Variants in NEU3 observed in about 807,000 individuals in gnomAD.
The protein encoded by NEU3 is neuraminidase 3.
NEU3 carries 10 observed loss-of-function variants against 11.4 expected under a neutral mutation model. The observed-to-expected ratio is 0.88, with a 90% confidence interval of 0.54 to 1.49. NEU3 has a LOEUF of 1.49. Among genes scored for constraint, NEU3 ranks in the 40% most tolerant of loss-of-function variants. The pLI is 0.00. For missense variants in NEU3, 529 were observed against 581.8 expected, an observed-to-expected ratio of 0.91 and a Z score of 0.93; for synonymous variants, 212 against 228.2, an observed-to-expected ratio of 0.93 and a Z score of 0.64.
At chr11:74,985,794 AT>A (rs1365520810), upstream of NEU3, among the ~76,000 whole-genome samples, 1 of 152,228 alleles carries the variant, frequency 6.6e-6, no homozygotes, top group East Asian at 1.9e-4. Context: ...CACGTGTGTA[AT>A]GTTTCTGTCC....
At chr11:74,985,685 G>A (rs78713176), upstream of NEU3, among the ~76,000 whole-genome samples, 3,471 of 152,280 alleles carry the variant, frequency 0.023, 150 homozygotes, top group African/African-American at 0.079. Context: ...AAGGACACTG[G>A]CAGAGTCTGG....
chr11:75,003,691 A>T (rs1228065777), intron 2 of NEU3, among the ~76,000 whole-genome samples: 1 of 152,198 alleles, frequency 6.6e-6, no homozygotes, highest in African/African-American at 2.4e-5. Context: ...GGAGTTTCAG[A>T]CCAGCCTGGC....
chr11:74,999,315 A>G lies in NEU3; in HGVS notation c.306+4595A>G, dbSNP rs556905157. On this transcript the variant is annotated intron_variant, in intron 2 of 2. Transcript: ENST00000294064. ...GCAGGTGCCACTGAGCCCAGCAAGCATTTTTTATCAGACCACACCTGTTGC... is the reference window on the plus strand; with the variant it reads ...GCAGGTGCCACTGAGCCCAGCAAGCGTTTTTTATCAGACCACACCTGTTGC... Among the ~76,000 whole-genome samples the G allele has an allele frequency of 3.3e-5, 5 of 152,288 alleles. No individual in the cohort carries two copies. In the East Asian group the frequency reaches 7.7e-4, roughly 24 times the overall value.
chr11:74,995,457 T>C (rs11236281), intron 2 of NEU3, among the ~76,000 whole-genome samples: 38,321 of 152,078 alleles, frequency 0.25, 5,829 homozygotes, highest in East Asian at 0.54. Context: ...GCCTGGAAGC[T>C]ACAGGGTTAT....
intron 2 of NEU3, among the ~76,000 whole-genome samples, chr11:75,000,061 A>AGGC (rs1235736983): frequency 6.6e-6 from 1 of 152,210 alleles, no homozygotes; most frequent in East Asian, 1.9e-4. Context: ...AAGGGTAGAC[A>AGGC]GGCCAGCTCA....
At chr11:75,002,109 G>C (rs1307037017) in intron 2 of NEU3, among the ~76,000 whole-genome samples, 1 of 152,150 alleles carries the variant, frequency 6.6e-6, no homozygotes, top group Admixed American at 6.5e-5. Context: ...AGGGTGGAGT[G>C]CAGTGATTGA....
At chr11:75,017,527 C>T (rs573571749) in intron 3 of NEU3, among the ~76,000 whole-genome samples, 1 of 152,166 alleles carries the variant, frequency 6.6e-6, no homozygotes, top group Admixed American at 6.5e-5. Context: ...GAAGGGGCAC[C>T]TTTTCTAATT....
intron 2 of NEU3, among the ~76,000 whole-genome samples, chr11:75,000,776 AATTTATTTATTTATTT>A (rs61008511): frequency 2.4e-4 from 32 of 134,528 alleles, no homozygotes; most frequent in African/African-American, 5.0e-4. Flanking sequence ...ATACCCAGCT[AATTTATTTATTTATTT>A]ATTTATTTAT....
At chr11:75,001,050 G>A (rs1948839251) in intron 2 of NEU3, among the ~76,000 whole-genome samples, 1 of 151,986 alleles carries the variant, frequency 6.6e-6, no homozygotes, top group South Asian at 2.1e-4. Flanking sequence ...TTTCCATAGT[G>A]GCTACACCAT....
Position 74,994,563 on chromosome 11 carries a change from A to G in NEU3, c.149A>G (p.Glu50Gly). ...CSFNSPLFRQ[E>G]DDRGITYRIP... ...TTCAACAGCCCTCTGTTCCGGCAGG[A>G]AGATGACAGAGGGATTACCTACCGG... is the stretch of plus-strand genomic sequence containing the variant. The change falls in exon 2 of 3, where the codon GAA becomes GGA. Residue 50 changes from glutamate (E) to glycine (G), a missense_variant. Coordinates refer to ENST00000294064, the MANE Select transcript of NEU3 (RefSeq NM_006656.6). 6.2e-7 allele frequency: 1 copy of G among 1,613,962 alleles called. No individual in the cohort carries two copies. Among genetic ancestry groups the G allele is most frequent in the Non-Finnish European group, 8.5e-7 (1 of 1,179,864 alleles).
chr11:75,004,372 G>A, intron 2 of NEU3: 1 of 615,142 alleles, frequency 1.6e-6, no homozygotes, highest in Non-Finnish European at 2.9e-6. Context: ...CTAAAGTGCT[G>A]GGATTACAGC....
chr11:74,995,782 T>C (rs2140239121), intron 2 of NEU3, among the ~76,000 whole-genome samples: 1 of 122,740 alleles, frequency 8.1e-6, no homozygotes, highest in Admixed American at 8.9e-5. Context: ...TTGCTGAAGA[T>C]TTAGTGTATT....
At chr11:75,018,384 T>C (rs1423029538) in intron 3 of NEU3, among the ~76,000 whole-genome samples, 1 of 152,108 alleles carries the variant, frequency 6.6e-6, no homozygotes, top group Non-Finnish European at 1.5e-5. Flanking sequence ...GTCAGTGGGC[T>C]GGGAAAGGCA....
chr11:75,013,529 A>C (rs1388397285), downstream of NEU3, among the ~76,000 whole-genome samples: 1 of 152,102 alleles, frequency 6.6e-6, no homozygotes, highest in Non-Finnish European at 1.5e-5. Flanking sequence ...GATTTTCACC[A>C]ACCTTCTGAC....
rs111722004 is a variant in NEU3, at chr11:74,994,428, A to C, written c.95-81A>C. The C allele has an allele frequency of 1.6e-4, 183 of 1,125,110 alleles. No individual in the cohort carries two copies. The African/African-American group carries it at 2.5e-3, about 15-fold the overall frequency. The allele number at this position is 1,125,110 out of a possible 1,614,324, so 69.7% of individuals were successfully genotyped here. On this transcript the variant is annotated intron_variant, in intron 1 of 2. Coordinates refer to ENST00000294064, the MANE Select transcript of NEU3 (RefSeq NM_006656.6). ...GTGCCCCCCCACCTTTGCTCTCCAGAAGTGAAATGATGAAGCAGAATTTAT... is the reference window on the plus strand; with the variant it reads ...GTGCCCCCCCACCTTTGCTCTCCAGCAGTGAAATGATGAAGCAGAATTTAT...
chr11:75,006,352 G>T lies in NEU3; in HGVS notation c.1246G>T (p.Gly416Trp). 6.2e-7 allele frequency: 1 copy of T among 1,614,004 alleles called. No homozygotes were observed. The highest frequency in any genetic ancestry group is 8.5e-7 in the Non-Finnish European group (1 of 1,179,902). ...LAALEEEGLF[G>W]CLFECGTKQE... is the part of the protein sequence containing the mutation. Reference sequence around the variant, plus strand: ...TGCTCTGGAGGAGGAGGGCTTGTTTGGGTGTTTGTTTGAATGTGGGACCAA... The same window carrying T: ...TGCTCTGGAGGAGGAGGGCTTGTTTTGGTGTTTGTTTGAATGTGGGACCAA... Residue 416 changes from glycine to tryptophan, a missense_variant, in exon 3 of 3, where the codon GGG becomes TGG. By Grantham distance (184) the Gly-to-Trp change is radical. Transcript: ENST00000294064.
rs758124449 is a variant in NEU3 at position 74,989,041 on chromosome 11, C to T, written c.-20C>T. On this transcript the variant is annotated 5_prime_UTR_variant, in exon 1 of 3. Transcript: ENST00000294064. ...AGTCTCCCCAGCCTTGGGGCCGGTG[C>T]CTCTTCCGGGCTTCGGCGAATGAGA... is the stretch of plus-strand genomic sequence containing the variant. 144 of 1,543,894 alleles carry T rather than the reference C, an allele frequency of 9.3e-5. 3 individuals carry two copies. The South Asian group carries it at 1.7e-3, about 18-fold the overall frequency.
chr11:74,987,945 G>A (rs1322031981), upstream of NEU3, among the ~76,000 whole-genome samples: 2 of 117,798 alleles, frequency 1.7e-5, no homozygotes, highest in East Asian at 4.9e-4. Context: ...TTGTATTGAG[G>A]TTGGCACCTA....
chr11:74,986,560 T>C (rs1456144602), upstream of NEU3, among the ~76,000 whole-genome samples: 1 of 152,230 alleles, frequency 6.6e-6, no homozygotes, highest in Non-Finnish European at 1.5e-5. Context: ...GTATTAACTT[T>C]ATCTAGATTT....
Sources: allele counts gnomAD v4.1 joint callset (sites outside exome capture counted in the v4.1 genomes callset), GRCh38; gene constraint gnomAD v4.1.1; transcripts MANE v1.5; gene names NCBI Gene and HGNC (gene_info 2026-07-23, HGNC 2026-07-21).